The following RAB31 variants were observed in gnomAD, a reference collection of about 807,000 sequenced individuals.
RAB31 encodes the protein RAB31, member RAS oncogene family.
In RAB31, 21 loss-of-function variants were observed where a neutral mutation model predicts 25.6. The ratio of observed to expected loss-of-function variants is 0.82; its 90% CI spans 0.58 to 1.18. RAB31 has a LOEUF of 1.18. Among genes scored for constraint, RAB31 ranks in the 50% most tolerant of loss-of-function variants. The pLI is 0.00. For missense variants in RAB31, 196 were observed against 250.1 expected (o/e 0.78, Z 1.46); for synonymous variants, 87 against 84.0 (o/e 1.04, Z -0.20).
intron 1 of RAB31, among the ~76,000 whole-genome samples, chr18:9,725,603 G>T (rs1360599477): frequency 6.6e-6 from 1 of 152,200 alleles, no homozygotes; most frequent in Non-Finnish European, 1.5e-5. Context: ...TTCAAAACTG[G>T]CATGTAGTAG....
rs1365741555 is a variant in RAB31, at chr18:9,766,556, C to A, written c.40-8722C>A. Among the ~76,000 whole-genome samples, 1 of 152,212 alleles carries A rather than the reference C, an allele frequency of 6.6e-6. No homozygotes were observed. ...TAACCATGCAGACTTCTGCCTGTTT[C>A]TCTCTTTATGTTATTTCTTTATGCC... On this transcript the variant is annotated intron_variant, in intron 1 of 6. Transcript: ENST00000578921. The surrounding 1 kb of genome is among the most constrained non-coding windows in gnomAD (Gnocchi z 4.3).
chr18:9,773,954 C>T (rs1473440487), intron 1 of RAB31, among the ~76,000 whole-genome samples: 1 of 152,172 alleles, frequency 6.6e-6, no homozygotes, highest in Non-Finnish European at 1.5e-5. Flanking sequence ...AGCCACTACA[C>T]CTAGCCATAT....
intron 5 of RAB31, among the ~76,000 whole-genome samples, chr18:9,837,144 C>G (rs996448233): frequency 6.8e-6 from 1 of 147,600 alleles, no homozygotes; most frequent in African/African-American, 2.5e-5. Flanking sequence ...GTGAGACACA[C>G]GGGGAGATTC....
chr18:9,821,138 T>C (rs561994268), intron 5 of RAB31, among the ~76,000 whole-genome samples: 2 of 152,246 alleles, frequency 1.3e-5, no homozygotes, highest in Non-Finnish European at 2.9e-5. Flanking sequence ...TTTAATAGCA[T>C]ATGCAATTCC....
At chr18:9,739,351 A>G (rs1302416789) in intron 1 of RAB31, among the ~76,000 whole-genome samples, 1 of 152,188 alleles carries the variant, frequency 6.6e-6, no homozygotes, top group Non-Finnish European at 1.5e-5. Flanking sequence ...GAGCACCTGT[A>G]GTCCCAGCTA....
chr18:9,758,923 G>C (rs1055542124), intron 1 of RAB31, among the ~76,000 whole-genome samples: 1 of 152,160 alleles, frequency 6.6e-6, no homozygotes, highest in Non-Finnish European at 1.5e-5. Context: ...AACTGACGAC[G>C]TCTGCAGAAT....
intron 1 of RAB31, among the ~76,000 whole-genome samples, chr18:9,769,126 C>T (rs914838207): frequency 4.6e-5 from 7 of 152,208 alleles, no homozygotes; most frequent in African/African-American, 4.8e-5. Flanking sequence ...AGTCAGGTAG[C>T]GTGATGCCTC....
At chr18:9,801,829 C>G (rs998717599) in intron 3 of RAB31, among the ~76,000 whole-genome samples, 1 of 152,208 alleles carries the variant, frequency 6.6e-6, no homozygotes, top group African/African-American at 2.4e-5. Flanking sequence ...ACTTTTATCC[C>G]TGTGATGCAT....
At chr18:9,820,760 A>T (rs2068621007) in intron 5 of RAB31, among the ~76,000 whole-genome samples, 1 of 151,956 alleles carries the variant, frequency 6.6e-6, no homozygotes, top group Non-Finnish European at 1.5e-5. Flanking sequence ...TTCCATTCCT[A>T]ATTTTAGAAA....
chr18:9,759,022 G>A (rs957726522), intron 1 of RAB31, among the ~76,000 whole-genome samples: 3 of 151,910 alleles, frequency 2.0e-5, no homozygotes, highest in Non-Finnish European at 2.9e-5. Context: ...AGCAGTGTGC[G>A]GCTTTGAGAT....
intron 3 of RAB31, among the ~76,000 whole-genome samples, chr18:9,793,229 G>A (rs1008652774): frequency 2.7e-5 from 4 of 150,304 alleles, no homozygotes; most frequent in African/African-American, 7.5e-5. Flanking sequence ...ACAAGCCACT[G>A]CACCTGGCTG....
rs114385501 is a variant in RAB31 at position 9,837,478 on chromosome 18, A to G, written c.381-8104A>G. On this transcript the variant is annotated intron_variant, in intron 5 of 6. Coordinates refer to ENST00000578921, the MANE Select transcript of RAB31 (RefSeq NM_006868.4). ...TTGAAAATGATGAATAAGCCTGACT[A>G]TATGGAAACTTCTGAGTGGCATAAA... Among the ~76,000 whole-genome samples the G allele has an allele frequency of 1.3e-3, 196 of 152,342 alleles. 1 individual carries two copies. The highest frequency in any genetic ancestry group is 4.4e-3 in the African/African-American group (185 of 41,582).
At position 9,859,503 on chromosome 18, in the gene RAB31, A is replaced by G. The variant is rs1434749156; in HGVS notation, c.*178A>G. On this transcript the variant is annotated 3_prime_UTR_variant, in exon 7 of 7. Transcript: ENST00000578921. Reference sequence around the variant, plus strand: ...GAAATGTACCTGAAAAGGATTTTAGAAAACCCTGGGAAAACCCACCACACC... The same window carrying G: ...GAAATGTACCTGAAAAGGATTTTAGGAAACCCTGGGAAAACCCACCACACC... The G allele has an allele frequency of 4.0e-6, 2 of 505,952 alleles. No homozygotes were observed. The highest frequency in any genetic ancestry group is 6.8e-6 in the Non-Finnish European group (2 of 292,390). The allele number at this position is 505,952 out of a possible 1,614,324, so 31.3% of individuals were successfully genotyped here. A position where few individuals can be genotyped will look rare whatever the true frequency, so the allele number is the denominator to read the frequency against.
Position 9,766,676 on chromosome 18 carries a change from C to CT in RAB31, c.40-8601dup, listed in dbSNP as rs1344714650. Among the ~76,000 whole-genome samples, 14 of 152,240 alleles carry CT rather than the reference C, an allele frequency of 9.2e-5. No homozygotes were observed. The highest frequency in any genetic ancestry group is 3.4e-4 in the African/African-American group (14 of 41,528). On this transcript the variant is annotated intron_variant, in intron 1 of 6. Transcript: ENST00000578921. The surrounding 1 kb of genome is among the most constrained non-coding windows in gnomAD (Gnocchi z 4.3). Reference sequence around the variant, plus strand: ...CTGAAGACGTTTTAGAAGCATGTGGCTGGGCGCATGGCTCACACCGGTAAT... The same window carrying CT: ...CTGAAGACGTTTTAGAAGCATGTGGCTTGGGCGCATGGCTCACACCGGTAAT...
At chr18:9,846,455 A>G (rs999516061) in intron 6 of RAB31, among the ~76,000 whole-genome samples, 16 of 152,234 alleles carry the variant, frequency 1.1e-4, no homozygotes, top group African/African-American at 3.6e-4. Context: ...AACTGCTCTG[A>G]GACACCCTCA....
chr18:9,825,777 A>G (rs537390748), intron 5 of RAB31, among the ~76,000 whole-genome samples: 6 of 152,342 alleles, frequency 3.9e-5, no homozygotes, highest in African/African-American at 1.4e-4. Context: ...AATGAAAACA[A>G]TGACTCATCA....
intron 5 of RAB31, chr18:9,844,882 G>C (rs904383262): frequency 3.4e-5 from 5 of 147,070 alleles, no homozygotes; most frequent in African/African-American, 1.3e-4. Flanking sequence ...TGTTTTGTTT[G>C]AGACGGAGTC....
chr18:9,744,752 A>G (rs1350911106), intron 1 of RAB31, among the ~76,000 whole-genome samples: 3 of 152,214 alleles, frequency 2.0e-5, no homozygotes, highest in East Asian at 1.9e-4. Flanking sequence ...AGAAATTACA[A>G]TGGAAATTGG....
intron 1 of RAB31, among the ~76,000 whole-genome samples, chr18:9,746,648 G>A (rs547473007): frequency 5.9e-5 from 9 of 152,242 alleles, no homozygotes; most frequent in Non-Finnish European, 1.2e-4. Context: ...ATAAGAGTAC[G>A]AAGATCAGTC....
Sources: allele counts gnomAD v4.1 joint callset (sites outside exome capture counted in the v4.1 genomes callset), GRCh38; gene constraint gnomAD v4.1.1; non-coding constraint Gnocchi (gnomAD v3.1); transcripts MANE v1.5; gene names NCBI Gene and HGNC (gene_info 2026-07-23, HGNC 2026-07-21).